The following LTBP3 variants were observed in gnomAD, a reference collection of about 807,000 sequenced individuals.
The protein encoded by LTBP3 is latent-transforming growth factor beta-binding protein 3.
Under a neutral mutation model 159.7 loss-of-function variants are expected in LTBP3, and 97 were observed. That is an observed-to-expected ratio of 0.61 (90% CI 0.52 to 0.72). LTBP3 has a LOEUF of 0.72. Ranked by LOEUF, LTBP3 falls within the 30% of genes least tolerant of loss-of-function variation. The pLI is 0.00. For synonymous variants in LTBP3, 824 were observed against 777.1 expected (o/e 1.06, Z -1.00); for missense variants, 1,584 against 1,864.3 (o/e 0.85, Z 2.77).
Position 65,538,856 on chromosome 11 carries a change from A to G in LTBP3, c.*224T>C, listed in dbSNP as rs1855888884. ...TCTGATTTATCAGTTTCTAGGAAAC[A>G]CCCTCTGGGAGGAAGGCAGGCAGCG... On this transcript the variant is annotated 3_prime_UTR_variant, in exon 28 of 28. Transcript: ENST00000301873. The G allele has an allele frequency of 2.3e-6, 2 of 860,766 alleles. No individual in the cohort carries two copies. The highest frequency in any genetic ancestry group is 3.5e-5 in the African/African-American group (2 of 56,424). The allele number at this position is 860,766 out of a possible 1,614,324, so 53.3% of individuals were successfully genotyped here. A position where few individuals can be genotyped will look rare whatever the true frequency, so the allele number is the denominator to read the frequency against.
chr11:65,546,417 C>A lies in LTBP3; in HGVS notation c.2353+25G>T. On this transcript the variant is annotated intron_variant, in intron 16 of 27. Transcript: ENST00000301873. This position sits in a 1 kb window ranked among gnomAD's most constrained non-coding sequence, Gnocchi z 4.0. ...TCAGCGCGTAGGGGGCGGCGGAGGC[C>A]CGGGGCGGGGGTGCTGGCGCTCACC... 6.6e-7 allele frequency: 1 copy of A among 1,524,138 alleles called. No homozygotes were observed. Among genetic ancestry groups the A allele is most frequent in the Non-Finnish European group, 8.8e-7 (1 of 1,141,810 alleles). The allele number at this position is 1,524,138 out of a possible 1,614,324, so 94.4% of individuals were successfully genotyped here.
chr11:65,541,007 G>C (rs892778941), intron 20 of LTBP3, 53 bp from the exon 21 acceptor site: 410 of 1,590,572 alleles, frequency 2.6e-4, no homozygotes, highest in Non-Finnish European at 3.1e-4. Context: ...GAGCGCGCGC[G>C]TGGGCTTAGG....
At chr11:65,551,684 G>T in intron 8 of LTBP3, 120 bp from the exon 9 acceptor site, 2 of 1,294,840 alleles carry the variant, frequency 1.5e-6, no homozygotes, top group Non-Finnish European at 2.2e-6. Flanking sequence ...ATGTCTCCAG[G>T]TCAAGGGTCA....
Position 65,547,455 on chromosome 11 carries a change from C to A in LTBP3, c.2091G>T (p.Arg697=). 1 of 1,613,936 alleles carries A rather than the reference C, an allele frequency of 6.2e-7. No homozygotes were observed. The highest frequency in any genetic ancestry group is 1.1e-5 in the South Asian group (1 of 91,084). Residue 697 remains arginine (R), a synonymous_variant, in exon 14 of 28, where the codon CGG becomes CGT. Transcript: ENST00000301873. The surrounding 1 kb of genome is among the most constrained non-coding windows in gnomAD (Gnocchi z 4.6). ...TCCCCTCACCTTCGCACACAGGAGGCCGGGAGGCTTTGAGCCGGTAGCCGG... is the reference window on the plus strand; with the variant it reads ...TCCCCTCACCTTCGCACACAGGAGGACGGGAGGCTTTGAGCCGGTAGCCGG... ...CYPGYRLKAS[R]PPVCEDIDEC...
Position 65,553,356 on chromosome 11 carries a change from G to A in LTBP3, c.970+69C>T. On this transcript the variant is annotated intron_variant, in intron 4 of 27. Coordinates refer to ENST00000301873, the MANE Select transcript of LTBP3 (RefSeq NM_001130144.3). The surrounding 1 kb of genome is among the most constrained non-coding windows in gnomAD (Gnocchi z 6.5). ...ATCTGGTGACCTGGGGACTCCCACT[G>A]CAGGGATGGGTGGGGTGGGTGGGGA... is the stretch of plus-strand genomic sequence containing the variant. 7.5e-7 allele frequency: 1 copy of A among 1,333,966 alleles called. No individual in the cohort carries two copies. Among genetic ancestry groups the A allele is most frequent in the Admixed American group, 1.8e-5 (1 of 56,650 alleles). 82.6% of individuals were successfully genotyped at this position (1,333,966 alleles called of 1,614,324 possible).
In LTBP3 at chr11:65,554,278, C is replaced by T; in HGVS notation, c.434G>A (p.Gly145Glu). ...GCCGCCGGTACCCCCACCGGCTCCT[C>T]CTGCGGGCACCTGGCAGAAGCGCCC... ...FTGRFCQVPA[G>E]GAGGGTGGSG... is the part of the protein sequence containing the mutation. The change falls in exon 2 of 28, where the codon GGA becomes GAA. Residue 145 changes from glycine (G) to glutamate (E), a missense_variant. Around this residue, in one of 6 missense-constraint regions of LTBP3, gnomAD observed 194 missense variants for 198.7 expected, o/e 0.98. Coordinates refer to ENST00000301873, the MANE Select transcript of LTBP3 (RefSeq NM_001130144.3). This position sits in a 1 kb window ranked among gnomAD's most constrained non-coding sequence, Gnocchi z 5.3. 1 of 1,611,046 alleles carries T rather than the reference C, an allele frequency of 6.2e-7. No individual in the cohort carries two copies. Among genetic ancestry groups the T allele is most frequent in the Non-Finnish European group, 8.5e-7 (1 of 1,179,348 alleles).
chr11:65,550,779 G>A (rs1245006933), intron 11 of LTBP3, among the ~76,000 whole-genome samples: 3 of 152,100 alleles, frequency 2.0e-5, no homozygotes, highest in Non-Finnish European at 4.4e-5. Flanking sequence ...AGCCGAGATT[G>A]CGCCACTGCA....
Position 65,553,607 on chromosome 11 carries a change from T to C in LTBP3, c.865-77A>G, listed in dbSNP as rs557861550. On this transcript the variant is annotated intron_variant, in intron 3 of 27. Transcript: ENST00000301873. The surrounding 1 kb of genome is among the most constrained non-coding windows in gnomAD (Gnocchi z 6.5). ...CCTGTTAGGGTTGGGCCTTTTCCTC[T>C]TCCCCCGCCCCTCAGTTTTCTGCTA... 5.2e-5 allele frequency: 79 copies of C among 1,509,244 alleles called. No homozygotes were observed. The East Asian group carries it at 1.0e-3, about 20-fold the overall frequency. 93.5% of individuals were successfully genotyped at this position (1,509,244 alleles called of 1,614,324 possible). A position where few individuals can be genotyped will look rare whatever the true frequency, so the allele number is the denominator to read the frequency against.
Position 65,553,495 on chromosome 11 carries a change from C to G in LTBP3, c.900G>C (p.Gln300His). The part of the protein sequence containing the change: ...GSNPLPGLTK[Q>H]EDCCGSIGTA... ...TGCCGATGCTACCGCAGCAGTCTTC[C>G]TGCTTGGTGAGGCCGGGGAGGGGGT... The change falls in exon 4 of 28, where the codon CAG (glutamine) becomes CAC (histidine). Residue 300 changes from glutamine (Q) to histidine (H), a missense_variant. Gln to His is a conservative substitution (Grantham distance 24). Transcript: ENST00000301873. This position sits in a 1 kb window ranked among gnomAD's most constrained non-coding sequence, Gnocchi z 6.5. 6.2e-7 allele frequency: 1 copy of G among 1,612,194 alleles called. No individual in the cohort carries two copies. The highest frequency in any genetic ancestry group is 1.1e-5 in the South Asian group (1 of 90,988).
intron 16 of LTBP3, chr11:65,544,456 C>T (rs945049619): frequency 6.6e-6 from 1 of 152,548 alleles, no homozygotes; most frequent in African/African-American, 2.4e-5. Flanking sequence ...AATGCCCAGT[C>T]TCTGGTCAGA....
At chr11:65,542,956 G>GGATGGATGGATGGATGGATA in intron 18 of LTBP3, 149 bp downstream of exon 18, 1 of 1,001,686 alleles carries the variant, frequency 1.0e-6, no homozygotes, top group South Asian at 1.3e-5. Context: ...ATGGATGGAT[G>GGATGGATGGATGGATGGATA]GATGGATGGA....
intron 16 of LTBP3, chr11:65,543,778 C>T (rs963429722): frequency 6.1e-5 from 35 of 574,088 alleles, no homozygotes; most frequent in African/African-American, 1.1e-4. Context: ...CAGCCTCCCC[C>T]GCCCTCTCTC....
In LTBP3 at chr11:65,546,990, A is replaced by G; in HGVS notation, c.2108-70T>C. 6.3e-7 allele frequency: 1 copy of G among 1,594,540 alleles called. No homozygotes were observed. The highest frequency in any genetic ancestry group is 1.1e-5 in the South Asian group (1 of 90,968). On this transcript the variant is annotated intron_variant, in intron 14 of 27. Transcript: ENST00000301873. The surrounding 1 kb of genome is among the most constrained non-coding windows in gnomAD (Gnocchi z 4.0). ...GGGTGGCCCGGCTCCCAGCGTCCAC[A>G]GCAGGGACTTCCTCCCACACAGATC... is the stretch of plus-strand genomic sequence containing the variant.
intron 11 of LTBP3, among the ~76,000 whole-genome samples, chr11:65,549,988 C>T (rs992291444): frequency 1.3e-5 from 2 of 152,048 alleles, no homozygotes; most frequent in Non-Finnish European, 1.5e-5. Flanking sequence ...TACTATGTGC[C>T]AGGCACTGTT....
intron 1 of LTBP3, among the ~76,000 whole-genome samples, chr11:65,555,392 C>T (rs929194504): frequency 6.6e-6 from 1 of 152,144 alleles, no homozygotes; most frequent in Non-Finnish European, 1.5e-5. Context: ...CCATGCCCTT[C>T]CCTCCACAAC....
At position 65,539,052 on chromosome 11, in the gene LTBP3, G is replaced by T. The variant is rs989359511; in HGVS notation, c.*28C>A. 59 of 1,353,978 alleles carry T rather than the reference G, an allele frequency of 4.4e-5. No individual in the cohort carries two copies. Among genetic ancestry groups the T allele is most frequent in the Non-Finnish European group, 5.4e-5 (57 of 1,055,122 alleles). The allele number at this position is 1,353,978 out of a possible 1,614,324, so 83.9% of individuals were successfully genotyped here. A position where few individuals can be genotyped will look rare whatever the true frequency, so the allele number is the denominator to read the frequency against. On this transcript the variant is annotated 3_prime_UTR_variant, in exon 28 of 28. Transcript: ENST00000301873. ...CGGAAATCCCTCAGTGATCACCGAG[G>T]TCTGGGCCGAGGGCGGCGTCGGCGG...
intron 21 of LTBP3, 89 bp from the exon 22 acceptor site, chr11:65,540,703 C>CGGGCGGGCCCTACAGGAG: frequency 8.0e-7 from 1 of 1,243,484 alleles, no homozygotes; most frequent in Non-Finnish European, 1.1e-6. Context: ...AAGCCATCCC[C>CGGGCGGGCCCTACAGGAG]GGGCGGGGCC....
Position 65,540,586 on chromosome 11 carries a change from C to T in LTBP3, c.3006G>A (p.Ser1002=), listed in dbSNP as rs928613252. The change falls in exon 22 of 28, where the codon TCG becomes TCA. Residue 1002 remains serine, a synonymous_variant. Coordinates refer to ENST00000301873, the MANE Select transcript of LTBP3 (RefSeq NM_001130144.3). ...CGCACTTGCCCTCCTTGCAAATCTC[C>T]GACCCGAACAACATGCACTCGTCGA... ...RDIDECMLFG[S]EICKEGKCVN... 7.4e-6 allele frequency: 12 copies of T among 1,613,668 alleles called. No individual in the cohort carries two copies. In the Admixed American group the frequency reaches 1.0e-4, roughly 13 times the overall value.
In LTBP3 at chr11:65,540,900, ATGT is replaced by A. The variant is rs778563938; in HGVS notation, c.2945_2947del (p.Asn982del). The A allele has an allele frequency of 2.5e-5, 40 of 1,613,208 alleles. No homozygotes were observed. In the Admixed American group the frequency reaches 5.0e-4, roughly 20 times the overall value. On this transcript the variant is annotated inframe_deletion, in exon 21 of 28. Coordinates refer to ENST00000301873, the MANE Select transcript of LTBP3 (RefSeq NM_001130144.3). ...GTGGGCTGGGATGCCGTAGTTGACG[ATGT>A]TGTTGTCCTGGGTGTAGCCCTTTCC...
Sources: allele counts gnomAD v4.1 joint callset (sites outside exome capture counted in the v4.1 genomes callset), GRCh38; gene constraint gnomAD v4.1.1; regional missense constraint gnomAD v4.1.1; non-coding constraint Gnocchi (gnomAD v3.1); transcripts MANE v1.5; gene names NCBI Gene and HGNC (gene_info 2026-07-23, HGNC 2026-07-21).